Variants in HRG observed in about 807,000 individuals in gnomAD.
The protein encoded by HRG is histidine-rich glycoprotein.
In HRG, 26 loss-of-function variants were observed where a neutral mutation model predicts 29.5. The ratio of observed to expected loss-of-function variants is 0.88; its 90% CI spans 0.65 to 1.22. The LOEUF (loss-of-function observed/expected upper bound fraction) is 1.22. Ranked by LOEUF, HRG falls within the 50% of genes most tolerant of loss-of-function variation. The pLI, the probability that HRG is intolerant of heterozygous loss-of-function variation, is 0.00. For missense variants in HRG, 671 were observed against 654.5 expected, an observed-to-expected ratio of 1.03 and a Z score of -0.28; for synonymous variants, 243 against 240.4, an observed-to-expected ratio of 1.01 and a Z score of -0.10.
At chr3:186,671,371 C>G (rs1279705808) in intron 3 of HRG, among the ~76,000 whole-genome samples, 2 of 150,730 alleles carry the variant, frequency 1.3e-5, no homozygotes, top group Admixed American at 1.3e-4. Context: ...TATGTTAGCA[C>G]TTTATCAGTG....
Position 186,668,652 on chromosome 3 carries a change from G to A in HRG, c.184-283G>A, listed in dbSNP as rs116801720. ...TCATGACTTATACTTCCAGGCATGC[G>A]TAGGTGATGATGCCTCCGCTAAACC... On this transcript the variant is annotated intron_variant, in intron 1 of 6. Transcript: ENST00000232003. The A allele has an allele frequency of 5.8e-3, 2,402 of 413,478 alleles. 45 individuals carry two copies. Among genetic ancestry groups the A allele is most frequent in the African/African-American group, 0.045 (2,209 of 49,414 alleles). The allele number at this position is 413,478 out of a possible 1,614,324, so 25.6% of individuals were successfully genotyped here.
At chr3:186,675,039 T>G in intron 5 of HRG, 50 bp from the exon 6 acceptor site, 1 of 1,265,466 alleles carries the variant, frequency 7.9e-7, no homozygotes, top group Admixed American at 1.7e-5. Flanking sequence ...TGGCTGGTCA[T>G]CTTCACACCA....
In HRG at chr3:186,677,066, G is replaced by A; in HGVS notation, c.761G>A (p.Gly254Asp). 1.2e-6 allele frequency: 2 copies of A among 1,613,976 alleles called. No individual in the cohort carries two copies. Among genetic ancestry groups the A allele is most frequent in the Non-Finnish European group, 1.7e-6 (2 of 1,179,926 alleles). Reference protein sequence around the residue: ...FDPQEHENINGVPPHLGHPFH... With the variant: ...FDPQEHENINDVPPHLGHPFH... ...TTCCAGGAACATGAGAACATCAATG[G>A]TGTACCGCCTCATTTGGGACATCCC... is the stretch of plus-strand genomic sequence containing the variant. The change falls in exon 7 of 7, where the codon GGT becomes GAT. Residue 254 changes from glycine to aspartate, a missense_variant. Coordinates refer to ENST00000232003, the MANE Select transcript of HRG (RefSeq NM_000412.5).
chr3:186,666,331 T>C (rs1037546339), intron 1 of HRG, 117 bp downstream of exon 1: 2 of 1,056,008 alleles, frequency 1.9e-6, no homozygotes, highest in Admixed American at 1.8e-5. Flanking sequence ...AGTTTTTTGT[T>C]TGGCTTCTGC....
At chr3:186,674,875 A>G (rs1579079134) in intron 5 of HRG, 1 of 548,076 alleles carries the variant, frequency 1.8e-6, no homozygotes, top group East Asian at 3.6e-5. Context: ...CATGAAAAAA[A>G]CCACAGCAAC....
chr3:186,676,221 G>A (rs1441079088), intron 6 of HRG, among the ~76,000 whole-genome samples: 1 of 151,956 alleles, frequency 6.6e-6, no homozygotes, highest in Non-Finnish European at 1.5e-5. Context: ...AGAGAGAAGA[G>A]GTCAAGTGTT....
chr3:186,666,214 G>A lies in HRG; in HGVS notation c.183G>A (p.Val61=). Residue 61 remains valine (V), a splice_region_variant and synonymous_variant, in exon 1 of 7, where the codon GTG becomes GTA. Transcript: ENST00000232003. ...TTGCTGATGCCCACTTGGACAGAGTGGTGAGGAATTGCCAATGGCAGAGCT... is the reference window on the plus strand; with the variant it reads ...TTGCTGATGCCCACTTGGACAGAGTAGTGAGGAATTGCCAATGGCAGAGCT... The part of the protein sequence containing the change: ...LRIADAHLDR[V]ENTTVYYLVL... 6.2e-7 allele frequency: 1 copy of A among 1,613,776 alleles called. No homozygotes were observed. The highest frequency in any genetic ancestry group is 1.7e-4 in the Middle Eastern group (1 of 5,930).
At chr3:186,672,642 G>A in intron 4 of HRG, 145 bp from the exon 5 acceptor site, 1 of 695,212 alleles carries the variant, frequency 1.4e-6, no homozygotes, top group Non-Finnish European at 2.6e-6. Flanking sequence ...TTTTTAAAAG[G>A]CAGAAACCAT....
rs1719056724 is a variant in HRG at position 186,677,820 on chromosome 3, A to G, written c.1515A>G (p.Pro505=). ...PFPQSVSESC[P]GKFKSGFPQV... ...CTCAATCAGTCTCTGAATCATGTCC[A>G]GGGAAGTTCAAGAGTGGGTTTCCAC... The change falls in exon 7 of 7, where the codon CCA becomes CCG. Residue 505 remains proline (P), a synonymous_variant. Transcript: ENST00000232003. 2.5e-6 allele frequency: 4 copies of G among 1,614,108 alleles called. No homozygotes were observed. Among genetic ancestry groups the G allele is most frequent in the Non-Finnish European group, 3.4e-6 (4 of 1,180,006 alleles).
chr3:186,673,779 A>G (rs1225867321), intron 5 of HRG: 4 of 152,184 alleles, frequency 2.6e-5, no homozygotes, highest in African/African-American at 9.7e-5. Flanking sequence ...TACAAAGTCC[A>G]GTGGGATTTT....
intron 2 of HRG, 74 bp downstream of exon 2, chr3:186,669,125 C>T (rs924322902): frequency 2.3e-6 from 2 of 867,132 alleles, no homozygotes; most frequent in Non-Finnish European, 4.0e-6. Flanking sequence ...TCAGCCAATG[C>T]CTGGGCTAAC....
Position 186,668,928 on chromosome 3 carries a change from T to C in HRG, c.184-7T>C. ...GCTACTCACATGTTGCTTTTGGCATTCCTCAGGAAAATACAACTGTATATT... is the reference window on the plus strand; with the variant it reads ...GCTACTCACATGTTGCTTTTGGCATCCCTCAGGAAAATACAACTGTATATT... On this transcript the variant is annotated splice_region_variant and splice_polypyrimidine_tract_variant and intron_variant, in intron 1 of 6. Coordinates refer to ENST00000232003, the MANE Select transcript of HRG (RefSeq NM_000412.5). The C allele has an allele frequency of 1.3e-6, 2 of 1,522,892 alleles. No homozygotes were observed. The highest frequency in any genetic ancestry group is 1.7e-4 in the Middle Eastern group (1 of 5,900). The allele number at this position is 1,522,892 out of a possible 1,614,324, so 94.3% of individuals were successfully genotyped here.
At chr3:186,672,192 C>G (rs1718822174) in intron 4 of HRG, among the ~76,000 whole-genome samples, 1 of 152,204 alleles carries the variant, frequency 6.6e-6, no homozygotes, top group African/African-American at 2.4e-5. Context: ...GTTCCCTGCT[C>G]TCTCTACAAG....
chr3:186,666,957 C>T (rs1329148966), intron 1 of HRG: 3 of 151,926 alleles, frequency 2.0e-5, no homozygotes, highest in Non-Finnish European at 4.4e-5. Flanking sequence ...TTTATTTAAT[C>T]CAAGGTTTAC....
At chr3:186,675,302 TGTGTGTGAGAGA>T (rs1040383682) in intron 6 of HRG, 112 bp downstream of exon 6, 43 of 574,670 alleles carry the variant, frequency 7.5e-5, no homozygotes, top group African/African-American at 3.8e-4. Flanking sequence ...TGTGTGTGTG[TGTGTGTGAGAGA>T]GAGAGAGAGA....
intron 3 of HRG, 46 bp from the exon 4 acceptor site, chr3:186,671,577 A>G (rs1346438201): frequency 1.3e-6 from 2 of 1,589,726 alleles, no homozygotes; most frequent in Non-Finnish European, 1.7e-6. Context: ...AGCCACCATT[A>G]ACATTTCCAG....
At chr3:186,676,170 C>T (rs781015657) in intron 6 of HRG, among the ~76,000 whole-genome samples, 3 of 151,748 alleles carry the variant, frequency 2.0e-5, no homozygotes, top group Non-Finnish European at 4.4e-5. Context: ...TGCCCGGCCT[C>T]TGTAGCTATT....
chr3:186,674,111 T>C (rs1718892657), intron 5 of HRG: 1 of 152,170 alleles, frequency 6.6e-6, no homozygotes, highest in African/African-American at 2.4e-5. Context: ...GGAGAAACCA[T>C]CCATTAGTAC....
At chr3:186,672,950 A>AGAAGGG in intron 5 of HRG, 83 bp downstream of exon 5, 1 of 907,814 alleles carries the variant, frequency 1.1e-6, no homozygotes, top group Admixed American at 1.7e-5. Flanking sequence ...AAGGAGAAGG[A>AGAAGGG]GAGGAAGGAG....
Sources: gnomAD v4.1 joint callset for allele counts (sites outside exome capture counted in the v4.1 genomes callset) on GRCh38, gnomAD v4.1.1 for gene constraint, MANE v1.5 for transcripts, NCBI Gene and HGNC (gene_info 2026-07-23, HGNC 2026-07-21) for gene names.